The following UNC5D variants were observed in gnomAD, a reference collection of about 807,000 sequenced individuals.
The protein encoded by UNC5D is netrin receptor UNC5D.
UNC5D carries 39 observed loss-of-function variants against 105.4 expected under a neutral mutation model. That is an observed-to-expected ratio of 0.37 (90% CI 0.29 to 0.48). The LOEUF (loss-of-function observed/expected upper bound fraction) is 0.48, where lower values mean the gene tolerates loss of function less well. UNC5D is among the 20% of genes least tolerant of loss of function. The probability of loss-of-function intolerance (pLI) is 0.98; values close to 1 mark genes in which losing one functional copy is unlikely to be tolerated. For synonymous variants in UNC5D, 452 were observed against 450.4 expected (o/e 1.00, Z -0.04); for missense variants, 991 against 1,202.4 (o/e 0.82, Z 2.60).
intron 1 of UNC5D, among the ~76,000 whole-genome samples, chr8:35,253,703 A>T (rs930968430): frequency 2.6e-5 from 4 of 151,520 alleles, no homozygotes; most frequent in African/African-American, 9.7e-5. Flanking sequence ...GTTAGCTAGG[A>T]TGATTTCGAT....
intron 1 of UNC5D, among the ~76,000 whole-genome samples, chr8:35,282,710 C>CAAAAA (rs200599461): frequency 0.39 from 52,386 of 135,114 alleles, 10,300 homozygotes; most frequent in East Asian, 0.66. Context: ...TATTAAAAGA[C>CAAAAA]AAAAAAAAAA....
intron 1 of UNC5D, among the ~76,000 whole-genome samples, chr8:35,471,254 T>C (rs1327854542): frequency 1.3e-5 from 2 of 152,190 alleles, no homozygotes; most frequent in South Asian, 2.1e-4. Flanking sequence ...GTAGTAACTA[T>C]ACCAGGAGAT....
At chr8:35,648,660 C>A (rs576404357) in intron 4 of UNC5D, among the ~76,000 whole-genome samples, 3 of 115,072 alleles carry the variant, frequency 2.6e-5, no homozygotes, top group African/African-American at 1.1e-4. Context: ...GCCTGGTCAA[C>A]AGAGTGAGAG....
At chr8:35,435,065 T>C (rs75424766) in intron 1 of UNC5D, among the ~76,000 whole-genome samples, 2,206 of 152,216 alleles carry the variant, frequency 0.014, 65 homozygotes, top group African/African-American at 0.051. Context: ...GGAAAGACTG[T>C]GGAGTATGGT....
rs540253969 is a variant in UNC5D, at chr8:35,454,740, T to G, written c.104-94552T>G. Among the ~76,000 whole-genome samples the G allele has an allele frequency of 3.9e-5, 6 of 152,278 alleles. No homozygotes were observed. The East Asian group carries it at 1.2e-3, about 29-fold the overall frequency. ...GTGTAGCCCCCGTACCCATAAAAAT[T>G]TAAAACACCAATGAAATTTGTATGC... On this transcript the variant is annotated intron_variant, in intron 1 of 16. Coordinates refer to ENST00000404895, the MANE Select transcript of UNC5D (RefSeq NM_080872.4).
chr8:35,537,005 CA>C (rs375201544), intron 1 of UNC5D, among the ~76,000 whole-genome samples: 20 of 132,952 alleles, frequency 1.5e-4, no homozygotes, highest in African/African-American at 5.6e-4. Context: ...CTAAACAAAA[CA>C]AAACAAACAA....
chr8:35,603,535 G>T (rs1820046207), intron 4 of UNC5D, among the ~76,000 whole-genome samples: 1 of 152,128 alleles, frequency 6.6e-6, no homozygotes, highest in Non-Finnish European at 1.5e-5. Flanking sequence ...TTGGGGTGGA[G>T]AGTTCTGTAG....
intron 4 of UNC5D, among the ~76,000 whole-genome samples, chr8:35,599,219 G>C (rs1460549417): frequency 6.6e-6 from 1 of 150,544 alleles, no homozygotes; most frequent in African/African-American, 2.4e-5. Context: ...ATGTTGCGGA[G>C]ATGGGGAGAG....
At position 35,335,247 on chromosome 8, in the gene UNC5D, G is replaced by A. The variant is rs560584074; in HGVS notation, c.103+99360G>A. ...TACAAATAAAACTATGATTCTTCATGTGCAAACCTTTGTGTGGTAATACTT... is the reference window on the plus strand; with the variant it reads ...TACAAATAAAACTATGATTCTTCATATGCAAACCTTTGTGTGGTAATACTT... On this transcript the variant is annotated intron_variant, in intron 1 of 16. Coordinates refer to ENST00000404895, the MANE Select transcript of UNC5D (RefSeq NM_080872.4). Among the ~76,000 whole-genome samples, 12 of 152,274 alleles carry A rather than the reference G, an allele frequency of 7.9e-5. 1 individual carries two copies. Among genetic ancestry groups the A allele is most frequent in the African/African-American group, 2.6e-4 (11 of 41,554 alleles).
chr8:35,633,045 T>G (rs1437029198), intron 4 of UNC5D, among the ~76,000 whole-genome samples: 1 of 152,196 alleles, frequency 6.6e-6, no homozygotes, highest in Non-Finnish European at 1.5e-5. Flanking sequence ...TCTATGTCCC[T>G]GGTAATTTCC....
At chr8:35,528,236 C>A (rs1814044379) in intron 1 of UNC5D, among the ~76,000 whole-genome samples, 1 of 151,106 alleles carries the variant, frequency 6.6e-6, no homozygotes, top group Non-Finnish European at 1.5e-5. Context: ...GTGATATTCC[C>A]CTTCCTGTGT....
chr8:35,683,765 G>A, intron 5 of UNC5D, 38 bp downstream of exon 5: 6 of 1,445,266 alleles, frequency 4.2e-6, no homozygotes, highest in Non-Finnish European at 5.4e-6. Context: ...GATAGGGAGG[G>A]CAGAAAGAGG....
chr8:35,689,721 A>G (rs1826258822), intron 7 of UNC5D, among the ~76,000 whole-genome samples: 1 of 152,148 alleles, frequency 6.6e-6, no homozygotes, highest in Non-Finnish European at 1.5e-5. Context: ...CTTTTGTTCT[A>G]TTTAGGTCTT....
chr8:35,378,500 T>C (rs2128930195), intron 1 of UNC5D, among the ~76,000 whole-genome samples: 1 of 152,272 alleles, frequency 6.6e-6, no homozygotes, highest in South Asian at 2.1e-4. Context: ...CCCCCTTCAG[T>C]TTGCCCCATA....
chr8:35,659,135 C>G (rs562512459), intron 4 of UNC5D, among the ~76,000 whole-genome samples: 1 of 151,962 alleles, frequency 6.6e-6, no homozygotes, highest in African/African-American at 2.4e-5. Flanking sequence ...TTTTTTTCCC[C>G]CTTCTTGAGC....
intron 1 of UNC5D, among the ~76,000 whole-genome samples, chr8:35,354,053 ATATAT>A (rs1801412973): frequency 6.6e-6 from 1 of 150,678 alleles, no homozygotes. Flanking sequence ...AATATGAATA[ATATAT>A]TAATGTGACT....
chr8:35,395,049 C>A (rs146366370), intron 1 of UNC5D, among the ~76,000 whole-genome samples: 2 of 152,276 alleles, frequency 1.3e-5, no homozygotes, highest in Non-Finnish European at 2.9e-5. Flanking sequence ...CTGTAATGTG[C>A]TTTGCCTAGT....
chr8:35,448,791 A>T (rs1459839194), intron 1 of UNC5D, among the ~76,000 whole-genome samples: 1 of 152,022 alleles, frequency 6.6e-6, no homozygotes, highest in Non-Finnish European at 1.5e-5. Flanking sequence ...AAATCTTAAT[A>T]TCTGTTATTC....
chr8:35,582,859 A>G (rs1174681388), intron 3 of UNC5D, among the ~76,000 whole-genome samples: 2 of 152,198 alleles, frequency 1.3e-5, no homozygotes, highest in Non-Finnish European at 2.9e-5. Context: ...AATTTCCTGT[A>G]GAAGACTCAG....
Sources: allele counts gnomAD v4.1 joint callset (sites outside exome capture counted in the v4.1 genomes callset), GRCh38; gene constraint gnomAD v4.1.1; transcripts MANE v1.5; gene names NCBI Gene and HGNC (gene_info 2026-07-23, HGNC 2026-07-21).